The following TYR variants were observed in gnomAD, a reference collection of about 807,000 sequenced individuals.
TYR encodes LB24-AB.
A neutral mutation model predicts 51.5 loss-of-function variants in TYR; 58 were observed. The observed-to-expected ratio is 1.13, with a 90% confidence interval of 0.91 to 1.40. The LOEUF (loss-of-function observed/expected upper bound fraction) is 1.40. TYR is among the 40% of genes most tolerant of loss of function. The pLI, the probability that TYR is intolerant of heterozygous loss-of-function variation, is 0.00. For missense variants in TYR, 732 were observed against 647.4 expected (o/e 1.13, Z -1.42); for synonymous variants, 263 against 235.2 (o/e 1.12, Z -1.08).
chr11:89,267,599 C>T (rs1242272071), intron 3 of TYR, among the ~76,000 whole-genome samples: 1 of 151,882 alleles, frequency 6.6e-6, no homozygotes, highest in East Asian at 1.9e-4. Context: ...GGGGATACTT[C>T]TGAAAACCCT....
At chr11:89,266,520 C>CCAA (rs552959250) in intron 3 of TYR, among the ~76,000 whole-genome samples, 9 of 151,766 alleles carry the variant, frequency 5.9e-5, no homozygotes, top group Non-Finnish European at 1.2e-4. Context: ...TCTAATCCCT[C>CCAA]CAACAACAAC....
At chr11:89,277,928 C>T (rs931605847) in intron 3 of TYR, among the ~76,000 whole-genome samples, 5 of 151,638 alleles carry the variant, frequency 3.3e-5, no homozygotes, top group African/African-American at 1.2e-4. Flanking sequence ...TTATCATTCA[C>T]CTTCCCAGAT....
intron 2 of TYR, among the ~76,000 whole-genome samples, chr11:89,194,774 A>G (rs887110492): frequency 6.6e-6 from 1 of 152,060 alleles, no homozygotes; most frequent in Non-Finnish European, 1.5e-5. Flanking sequence ...TTGTGTTCCA[A>G]TGGTTCCAGA....
intron 4 of TYR, chr11:89,293,630 A>C (rs1268120018): frequency 1.3e-5 from 2 of 152,650 alleles, no homozygotes; most frequent in African/African-American, 4.8e-5. Flanking sequence ...CTCTCCCAAT[A>C]CTACTTTTAA....
intron 2 of TYR, 97 bp from the exon 3 acceptor site, chr11:89,227,726 C>G (rs2135281653): frequency 5.8e-6 from 6 of 1,035,610 alleles, no homozygotes; most frequent in African/African-American, 1.6e-5. Context: ...TATTTTGAAA[C>G]AGTCTTCAAG....
chr11:89,219,463 A>G (rs947585724), intron 2 of TYR, among the ~76,000 whole-genome samples: 1 of 151,708 alleles, frequency 6.6e-6, no homozygotes, highest in African/African-American at 2.4e-5. Flanking sequence ...CCCCTGGCTA[A>G]TTTTTGTATT....
chr11:89,231,336 C>T (rs114713281), intron 3 of TYR, among the ~76,000 whole-genome samples: 1 of 106,216 alleles, frequency 9.4e-6, no homozygotes, highest in South Asian at 3.2e-4. Context: ...GGAAATATAT[C>T]TGAACTTCCA....
At chr11:89,278,679 C>A (rs1487713318) in intron 3 of TYR, among the ~76,000 whole-genome samples, 1 of 151,540 alleles carries the variant, frequency 6.6e-6, no homozygotes, top group East Asian at 2.0e-4. Flanking sequence ...TACCCAATTC[C>A]TCTATTATTA....
chr11:89,216,394 G>A (rs1943832305), intron 2 of TYR, among the ~76,000 whole-genome samples: 1 of 151,912 alleles, frequency 6.6e-6, no homozygotes, highest in South Asian at 2.1e-4. Context: ...CCCACTTTAT[G>A]GTATCATAAG....
chr11:89,237,552 G>T (rs1353004009), intron 3 of TYR, among the ~76,000 whole-genome samples: 1 of 152,052 alleles, frequency 6.6e-6, no homozygotes, highest in African/African-American at 2.4e-5. Context: ...TGGTCAATAT[G>T]TCTGTTTCTA....
rs548064890 is a variant in TYR at position 89,206,102 on chromosome 11, AC to A, written c.1036+14686del. Among the ~76,000 whole-genome samples the A allele has an allele frequency of 2.2e-4, 34 of 152,238 alleles. No homozygotes were observed. The South Asian group carries it at 6.8e-3, about 31-fold the overall frequency. On this transcript the variant is annotated intron_variant, in intron 2 of 4. Transcript: ENST00000263321. The stretch of plus-strand genomic sequence containing the variant: ...ACTCAAATGAAGACAGGAAAAATGA[AC>A]CAAAAAATTCAGAAAAGTAACAAAC...
chr11:89,190,674 G>T (rs971448023), intron 1 of TYR, among the ~76,000 whole-genome samples: 3 of 152,024 alleles, frequency 2.0e-5, no homozygotes, highest in African/African-American at 7.2e-5. Context: ...CTACTGTAGT[G>T]TAGAGTAGTA....
chr11:89,221,136 C>A (rs998280222), intron 2 of TYR, among the ~76,000 whole-genome samples: 3 of 152,212 alleles, frequency 2.0e-5, no homozygotes, highest in African/African-American at 7.2e-5. Context: ...GGTTAACACA[C>A]ACGATGGGTC....
In TYR at chr11:89,208,300, A is replaced by G. The variant is rs913151215; in HGVS notation, c.1036+16882A>G. 3.3e-5 allele frequency among the ~76,000 whole-genome samples: 5 copies of G among 152,268 alleles called. No homozygotes were observed. The South Asian group carries it at 1.0e-3, about 32-fold the overall frequency. ...AAGAAAAAAAGTTTTTAAAAAGACA[A>G]AGTTCTTTAAGGCAAATATTTGAAA... On this transcript the variant is annotated intron_variant, in intron 2 of 4. Coordinates refer to ENST00000263321, the MANE Select transcript of TYR (RefSeq NM_000372.5).
chr11:89,186,131 G>C (rs1943369226), intron 1 of TYR, among the ~76,000 whole-genome samples: 1 of 152,140 alleles, frequency 6.6e-6, no homozygotes, highest in Non-Finnish European at 1.5e-5. Flanking sequence ...GCAGTGTCCA[G>C]AGAAAGTAGG....
At chr11:89,288,439 G>A (rs1944818285) in intron 4 of TYR, among the ~76,000 whole-genome samples, 1 of 151,880 alleles carries the variant, frequency 6.6e-6, no homozygotes, top group Non-Finnish European at 1.5e-5. Context: ...CTTCCCTAGT[G>A]TCCCAATGGA....
intron 2 of TYR, among the ~76,000 whole-genome samples, chr11:89,200,037 C>G (rs1369299894): frequency 4.6e-5 from 7 of 152,266 alleles, no homozygotes; most frequent in African/African-American, 1.7e-4. Context: ...ATACATATTG[C>G]AAATAAAATT....
At chr11:89,278,778 T>G (rs2135320058) in intron 3 of TYR, among the ~76,000 whole-genome samples, 1 of 151,822 alleles carries the variant, frequency 6.6e-6, no homozygotes, top group Admixed American at 6.6e-5. Flanking sequence ...TTTAGATTAC[T>G]TAGTACCTAA....
intron 4 of TYR, among the ~76,000 whole-genome samples, chr11:89,288,395 T>C (rs908127672): frequency 1.3e-4 from 20 of 151,948 alleles, no homozygotes; most frequent in Non-Finnish European, 2.9e-4. Context: ...AACCCCTACA[T>C]TGTCTTCTAC....
Sources: allele counts gnomAD v4.1 joint callset (sites outside exome capture counted in the v4.1 genomes callset), GRCh38; gene constraint gnomAD v4.1.1; transcripts MANE v1.5; gene names NCBI Gene and HGNC (gene_info 2026-07-23, HGNC 2026-07-21).